The following PARG variants were observed in gnomAD, a reference collection of about 807,000 sequenced individuals.
PARG encodes the protein mitochondrial poly(ADP-ribose) glycohydrolase.
Under a neutral mutation model 113.0 loss-of-function variants are expected in PARG, and 35 were observed. That is an observed-to-expected ratio of 0.31 (90% confidence interval 0.24 to 0.41). The LOEUF is 0.41. PARG is among the 10% of genes least tolerant of loss of function. The probability of loss-of-function intolerance (pLI) is 1.00; values close to 1 mark genes in which losing one functional copy is unlikely to be tolerated. For missense variants in PARG, 797 were observed against 1,169.4 expected, an observed-to-expected ratio of 0.68 and a Z score of 4.64; for synonymous variants, 330 against 409.9, an observed-to-expected ratio of 0.81 and a Z score of 2.36.
intron 7 of PARG, among the ~76,000 whole-genome samples, chr10:49,901,494 A>T (rs1282893741): frequency 1.3e-5 from 2 of 151,654 alleles, no homozygotes; most frequent in Non-Finnish European, 2.9e-5. Flanking sequence ...AAATCAAGTA[A>T]CGTGCATACA....
chr10:49,822,375 T>C (rs1459657913), intron 16 of PARG, among the ~76,000 whole-genome samples: 1 of 152,170 alleles, frequency 6.6e-6, no homozygotes, highest in Non-Finnish European at 1.5e-5. Flanking sequence ...TAAATGGAAC[T>C]AGATTTCTCA....
chr10:49,893,326 A>C (rs1249051587), intron 7 of PARG, among the ~76,000 whole-genome samples: 1 of 152,180 alleles, frequency 6.6e-6, no homozygotes, highest in Non-Finnish European at 1.5e-5. Flanking sequence ...AAATAATATC[A>C]AGCATTTTTT....
At chr10:49,906,243 A>G (rs1554844952) in intron 7 of PARG, among the ~76,000 whole-genome samples, 1 of 150,454 alleles carries the variant, frequency 6.6e-6, no homozygotes, top group African/African-American at 2.4e-5. Flanking sequence ...TCAGCCTCCC[A>G]AAGTATTGGG....
chr10:49,829,806 G>A (rs782334673), intron 16 of PARG, among the ~76,000 whole-genome samples: 2 of 152,134 alleles, frequency 1.3e-5, no homozygotes, highest in Non-Finnish European at 2.9e-5. Flanking sequence ...CATACATTGG[G>A]TATTTCTCCC....
rs1838600904 is a variant in PARG, at chr10:49,933,662, T to C, written c.786A>G (p.Pro262=). The C allele has an allele frequency of 3.7e-6, 6 of 1,610,404 alleles. No homozygotes were observed. The highest frequency in any genetic ancestry group is 5.1e-6 in the Non-Finnish European group (6 of 1,176,658). The change falls in exon 3 of 18, where the codon CCA becomes CCG. Residue 262 remains proline (P), a synonymous_variant. Transcript: ENST00000616448. ...QDEIDVVPES[P]LSDVGSEDVG... ...CATCCTCAGAGCCAACATCTGACAA[T>C]GGACTCTCTGGCACCACATCTATCT...
chr10:49,889,090 G>T (rs1847641028), intron 7 of PARG, among the ~76,000 whole-genome samples: 6 of 126,992 alleles, frequency 4.7e-5, no homozygotes, highest in East Asian at 2.2e-4. Context: ...GGGACTTTCT[G>T]TTTTTTTCAT....
At chr10:49,931,806 C>T (rs1308985450) in intron 4 of PARG, among the ~76,000 whole-genome samples, 12 of 149,628 alleles carry the variant, frequency 8.0e-5, no homozygotes, top group Non-Finnish European at 1.2e-4. Flanking sequence ...GTACACAATA[C>T]TATCAACTGA....
intron 13 of PARG, among the ~76,000 whole-genome samples, chr10:49,844,015 T>C (rs1027412145): frequency 6.6e-6 from 1 of 151,956 alleles, no homozygotes; most frequent in Non-Finnish European, 1.5e-5. Context: ...CTTGGTGGTG[T>C]GTGCCTTTAA....
chr10:49,842,037 G>T lies in PARG; in HGVS notation c.2454C>A (p.Cys818Ter). ...GSERDDWQRR[C>*]TEIVAIDALH... is the part of the protein sequence containing the mutation. ...GAGCATCGATGGCAACGATCTCAGT[G>T]CAGCGCCGCTGCCAGTCGTCCCTGG... Residue 818 changes from cysteine to a stop codon, truncating the protein, a stop_gained, in exon 15 of 18, where the codon TGC (cysteine) becomes TGA (stop). Coordinates refer to ENST00000616448, the MANE Select transcript of PARG (RefSeq NM_003631.5). LOFTEE classifies it high-confidence loss of function. 2 of 1,549,822 alleles carry T rather than the reference G, an allele frequency of 1.3e-6. No homozygotes were observed.
At chr10:49,895,259 G>C (rs1284004865) in intron 7 of PARG, among the ~76,000 whole-genome samples, 3 of 152,124 alleles carry the variant, frequency 2.0e-5, no homozygotes, top group Non-Finnish European at 4.4e-5. Flanking sequence ...ATTCACGTTA[G>C]TCTGCAAACT....
Position 49,830,296 on chromosome 10 carries a change from AAAAAAGTATCTGTCGT to A in PARG, c.2647+2491_2647+2506del, listed in dbSNP as rs1844593787. 3.3e-5 allele frequency among the ~76,000 whole-genome samples: 5 copies of A among 152,242 alleles called. No individual in the cohort carries two copies. In the South Asian group the frequency reaches 1.0e-3, roughly 32 times the overall value. On this transcript the variant is annotated intron_variant, in intron 16 of 17. Transcript: ENST00000616448. ...TCATTTTACTTAAGAGAAAGACAGG[AAAAAAGTATCTGTCGT>A]AAGATCAATAAGCCCAGAGTGAAAA...
At chr10:49,922,783 A>G (rs1398225046) in intron 4 of PARG, 114 bp from the exon 5 acceptor site, 1 of 757,488 alleles carries the variant, frequency 1.3e-6, no homozygotes, top group Non-Finnish European at 2.1e-6. Context: ...CTCCCAGGCA[A>G]GAAATCACCA....
intron 4 of PARG, among the ~76,000 whole-genome samples, chr10:49,927,759 C>T (rs1207832004): frequency 6.6e-6 from 1 of 151,888 alleles, no homozygotes; most frequent in Non-Finnish European, 1.5e-5. Context: ...CACTTGAGGC[C>T]TGGAGTTCAA....
At position 49,912,802 on chromosome 10, in the gene PARG, C is replaced by A. The variant is rs369933442; in HGVS notation, c.1737+3115G>T. Among the ~76,000 whole-genome samples the A allele has an allele frequency of 1.4e-3, 219 of 151,930 alleles. 3 individuals carry two copies. The highest frequency in any genetic ancestry group is 5.1e-3 in the African/African-American group (211 of 41,440). On this transcript the variant is annotated intron_variant, in intron 7 of 17. Coordinates refer to ENST00000616448, the MANE Select transcript of PARG (RefSeq NM_003631.5). ...TAACAATGGTGAAACCCTATCTCTA[C>A]AAAAAAATACAAAAAACTAGCCAGG...
intron 15 of PARG, among the ~76,000 whole-genome samples, chr10:49,835,048 A>G (rs1844848401): frequency 6.6e-6 from 1 of 152,146 alleles, no homozygotes; most frequent in Non-Finnish European, 1.5e-5. Context: ...TCTAGGAAGA[A>G]GGATGCCTTA....
chr10:49,920,656 A>G (rs1367853109), intron 6 of PARG, among the ~76,000 whole-genome samples: 4 of 149,504 alleles, frequency 2.7e-5, no homozygotes, highest in African/African-American at 9.8e-5. Flanking sequence ...ATACGTATAT[A>G]TATGGAGTTT....
intron 7 of PARG, among the ~76,000 whole-genome samples, chr10:49,905,745 A>G (rs1439384864): frequency 3.3e-5 from 5 of 151,546 alleles, no homozygotes; most frequent in African/African-American, 4.8e-5. Flanking sequence ...GGATGAACGC[A>G]GTGGAGACTC....
chr10:49,941,913 C>T lies in PARG; in HGVS notation c.-188G>A, dbSNP rs1475572882. The T allele has an allele frequency of 8.9e-7, 1 of 1,120,570 alleles. No homozygotes were observed. The highest frequency in any genetic ancestry group is 2.6e-5 in the East Asian group (1 of 39,022). 69.4% of individuals were successfully genotyped at this position (1,120,570 alleles called of 1,614,324 possible). A position where few individuals can be genotyped will look rare whatever the true frequency, so the allele number is the denominator to read the frequency against. On this transcript the variant is annotated 5_prime_UTR_variant, in exon 1 of 18. Coordinates refer to ENST00000616448, the MANE Select transcript of PARG (RefSeq NM_003631.5). ...CAGGCCGTAAACACTCGCCTGCCTTCCCTCTTCCACTGGCACCCCACCTGC... is the reference window on the plus strand; with the variant it reads ...CAGGCCGTAAACACTCGCCTGCCTTTCCTCTTCCACTGGCACCCCACCTGC...
chr10:49,883,269 G>A (rs1304312937), intron 8 of PARG, among the ~76,000 whole-genome samples: 3 of 151,978 alleles, frequency 2.0e-5, no homozygotes, highest in African/African-American at 7.2e-5. Context: ...GCAATGCATG[G>A]GACCATTATA....
Sources: gnomAD v4.1 joint callset for allele counts (sites outside exome capture counted in the v4.1 genomes callset) on GRCh38, gnomAD v4.1.1 for gene constraint, MANE v1.5 for transcripts, NCBI Gene and HGNC (gene_info 2026-07-23, HGNC 2026-07-21) for gene names.